FHIT: variants seen among roughly 807,000 people sequenced by gnomAD.
FHIT encodes the protein fragile histidine triad diadenosine triphosphatase.
In FHIT, 19 loss-of-function variants were observed where a neutral mutation model predicts 17.9. The ratio of observed to expected loss-of-function variants is 1.06; its 90% CI spans 0.74 to 1.56. The LOEUF is 1.56. Among genes scored for constraint, FHIT ranks in the 40% most tolerant of loss-of-function variants. The pLI, the probability that FHIT is intolerant of heterozygous loss-of-function variation, is 0.00. For missense variants in FHIT, 248 were observed against 189.2 expected (o/e 1.31, Z -1.82); for synonymous variants, 81 against 69.7 (o/e 1.16, Z -0.81).
At chr3:59,757,415 G>C (rs576864205) in intron 8 of FHIT, among the ~76,000 whole-genome samples, 3 of 152,316 alleles carry the variant, frequency 2.0e-5, no homozygotes, top group African/African-American at 7.2e-5. Flanking sequence ...CTGAAGAACT[G>C]ATACGTGTCG....
chr3:59,940,359 T>C (rs1307425239), intron 7 of FHIT, among the ~76,000 whole-genome samples: 2 of 152,330 alleles, frequency 1.3e-5, no homozygotes, highest in South Asian at 2.1e-4. Context: ...TTTAACTTTC[T>C]CTTAAGGACT....
At chr3:60,029,919 G>GTGTGTGTC (rs1700928783) in intron 5 of FHIT, among the ~76,000 whole-genome samples, 1 of 150,962 alleles carries the variant, frequency 6.6e-6, no homozygotes, top group Non-Finnish European at 1.5e-5. Context: ...GTGTGTGTGT[G>GTGTGTGTC]TGTGTGTGTA....
chr3:60,105,321 T>C (rs1704361570), intron 5 of FHIT, among the ~76,000 whole-genome samples: 1 of 152,186 alleles, frequency 6.6e-6, no homozygotes, highest in African/African-American at 2.4e-5. Flanking sequence ...TAGAAATAAA[T>C]GCATGCATGT....
chr3:60,438,750 A>G (rs931796321), intron 5 of FHIT, among the ~76,000 whole-genome samples: 2 of 152,134 alleles, frequency 1.3e-5, no homozygotes, highest in Non-Finnish European at 2.9e-5. Context: ...GCTGATCACC[A>G]ACTAACCACA....
intron 3 of FHIT, among the ~76,000 whole-genome samples, chr3:60,974,385 A>G (rs774925298): frequency 2.0e-5 from 3 of 152,188 alleles, no homozygotes; most frequent in Non-Finnish European, 4.4e-5. Context: ...TGTGATCTAC[A>G]TTATTCCATT....
intron 3 of FHIT, among the ~76,000 whole-genome samples, chr3:60,919,740 A>G (rs1553767864): frequency 6.6e-6 from 1 of 152,190 alleles, no homozygotes; most frequent in East Asian, 1.9e-4. Context: ...TTTTATAGGG[A>G]ATAAGAGTGC....
chr3:60,552,602 G>A (rs2036597520), intron 4 of FHIT, among the ~76,000 whole-genome samples: 2 of 152,036 alleles, frequency 1.3e-5, no homozygotes, highest in South Asian at 4.2e-4. Context: ...TATAGTGAAG[G>A]CCAAGAAGCC....
At chr3:61,113,002 A>G (rs2036204222) in intron 2 of FHIT, among the ~76,000 whole-genome samples, 1 of 151,614 alleles carries the variant, frequency 6.6e-6, no homozygotes, top group Admixed American at 6.6e-5. Flanking sequence ...GTGTGTGTTT[A>G]TTTGTTTGTT....
chr3:60,143,077 C>T (rs550913439), intron 5 of FHIT, among the ~76,000 whole-genome samples: 5 of 152,230 alleles, frequency 3.3e-5, no homozygotes, highest in South Asian at 4.2e-4. Context: ...TTTCAATATT[C>T]GTGAGATTAA....
chr3:59,948,357 A>T (rs1257925442), intron 7 of FHIT, among the ~76,000 whole-genome samples: 1 of 140,036 alleles, frequency 7.1e-6, no homozygotes, highest in Admixed American at 7.6e-5. Flanking sequence ...ACAAAAAAAA[A>T]AAAAAAAAAA....
intron 4 of FHIT, among the ~76,000 whole-genome samples, chr3:60,701,148 G>A (rs2041236596): frequency 7.1e-6 from 1 of 140,024 alleles, no homozygotes; most frequent in Non-Finnish European, 1.5e-5. Flanking sequence ...TTTTAAGACA[G>A]GATCTCCCTT....
At chr3:60,083,040 G>C (rs1233059806) in intron 5 of FHIT, among the ~76,000 whole-genome samples, 1 of 152,052 alleles carries the variant, frequency 6.6e-6, no homozygotes, top group Non-Finnish European at 1.5e-5. Flanking sequence ...TATTTCCCAA[G>C]GCTGATGTCC....
intron 5 of FHIT, among the ~76,000 whole-genome samples, chr3:60,066,204 T>C (rs1428701984): frequency 6.6e-6 from 1 of 152,134 alleles, no homozygotes; most frequent in Non-Finnish European, 1.5e-5. Flanking sequence ...AGAGCTCTTT[T>C]ATTTAAAAAA....
chr3:60,750,464 T>C (rs1287008629), intron 4 of FHIT, among the ~76,000 whole-genome samples: 3 of 152,152 alleles, frequency 2.0e-5, no homozygotes, highest in Non-Finnish European at 4.4e-5. Flanking sequence ...GATTGAATTA[T>C]GGGAGCAAGT....
At chr3:60,598,490 C>A (rs2038341273) in intron 4 of FHIT, among the ~76,000 whole-genome samples, 1 of 152,034 alleles carries the variant, frequency 6.6e-6, no homozygotes, top group Non-Finnish European at 1.5e-5. Flanking sequence ...TAGATAATTC[C>A]ACTGGGCAAC....
chr3:60,108,947 G>A (rs935371282), intron 5 of FHIT, among the ~76,000 whole-genome samples: 4 of 152,174 alleles, frequency 2.6e-5, no homozygotes, highest in African/African-American at 7.2e-5. Flanking sequence ...ACAGGCGTGA[G>A]CCACCATGCC....
intron 5 of FHIT, among the ~76,000 whole-genome samples, chr3:60,274,182 A>C (rs187413671): frequency 6.6e-5 from 10 of 152,248 alleles, no homozygotes; most frequent in Admixed American, 5.2e-4. Flanking sequence ...ATAATATCAG[A>C]TAACTCTCTT....
intron 5 of FHIT, among the ~76,000 whole-genome samples, chr3:60,045,621 G>T (rs758693007): frequency 1.2e-3 from 177 of 152,164 alleles, no homozygotes; most frequent in Non-Finnish European, 1.8e-3. Flanking sequence ...GAAGGAAAAA[G>T]AATTCTCTCC....
chr3:59,761,611 A>T (rs55750550), intron 8 of FHIT, among the ~76,000 whole-genome samples: 10,363 of 140,750 alleles, frequency 0.074, 781 homozygotes, highest in African/African-American at 0.19. Flanking sequence ...AATTTATTTT[A>T]TTTTTTTTTT....
Sources: allele counts gnomAD v4.1 joint callset (sites outside exome capture counted in the v4.1 genomes callset), GRCh38; gene constraint gnomAD v4.1.1; transcripts MANE v1.5; gene names NCBI Gene and HGNC (gene_info 2026-07-23, HGNC 2026-07-21).